Variants in SYNJ1 observed in about 807,000 individuals in gnomAD.
SYNJ1 encodes the protein synaptojanin 1.
A neutral mutation model predicts 168.2 loss-of-function variants in SYNJ1; 78 were observed. The ratio of observed to expected loss-of-function variants is 0.46; its 90% CI spans 0.39 to 0.56. SYNJ1 has a LOEUF of 0.56. Among genes scored for constraint, SYNJ1 ranks in the 20% least tolerant of loss-of-function variants. SYNJ1 has a pLI of 0.00. For synonymous variants in SYNJ1, 539 were observed against 548.6 expected (o/e 0.98, Z 0.24); for missense variants, 1,303 against 1,597.6 (o/e 0.82, Z 3.14).
At chr21:32,664,175 T>C (rs1315761397) in intron 18 of SYNJ1, among the ~76,000 whole-genome samples, 1 of 152,194 alleles carries the variant, frequency 6.6e-6, no homozygotes, top group Non-Finnish European at 1.5e-5. Flanking sequence ...CATCACTACC[T>C]TAGCTCACCA....
chr21:32,644,859 A>T, intron 26 of SYNJ1, 109 bp downstream of exon 26: 1 of 1,242,088 alleles, frequency 8.1e-7, no homozygotes, highest in Non-Finnish European at 1.1e-6. Flanking sequence ...TTAGTTTTAA[A>T]CTAGAATGTC....
chr21:32,722,761 A>C (rs772156975), intron 2 of SYNJ1, among the ~76,000 whole-genome samples: 16 of 152,198 alleles, frequency 1.1e-4, no homozygotes, highest in Non-Finnish European at 2.1e-4. Flanking sequence ...GGAGTGCGGC[A>C]TCCAGACACA....
intron 11 of SYNJ1, among the ~76,000 whole-genome samples, chr21:32,680,791 AT>A (rs1031294734): frequency 6.6e-6 from 1 of 151,892 alleles, no homozygotes; most frequent in Non-Finnish European, 1.5e-5. Context: ...AGTATTTTCT[AT>A]TTTCAGTAGA....
chr21:32,631,554 T>C lies in SYNJ1; in HGVS notation c.*251A>G, dbSNP rs2145658543. 1.2e-6 allele frequency: 2 copies of C among 1,614,140 alleles called. No homozygotes were observed. Among genetic ancestry groups the C allele is most frequent in the Middle Eastern group, 3.3e-4 (2 of 6,062 alleles). ...AAATGGGTTTGGAGAACTTCGCATATTTTCCTGGGATTGACTCCGAGCTGG... is the reference window on the plus strand; with the variant it reads ...AAATGGGTTTGGAGAACTTCGCATACTTTCCTGGGATTGACTCCGAGCTGG... On this transcript the variant is annotated 3_prime_UTR_variant, in exon 33 of 33. Transcript: ENST00000674351.
chr21:32,663,551 C>G (rs2040801081), intron 18 of SYNJ1, among the ~76,000 whole-genome samples: 2 of 152,192 alleles, frequency 1.3e-5, no homozygotes, highest in Non-Finnish European at 2.9e-5. Context: ...ATTAAACCAT[C>G]TTTCTTCCTA....
chr21:32,669,711 G>C (rs1474256176), intron 15 of SYNJ1, among the ~76,000 whole-genome samples: 2 of 152,158 alleles, frequency 1.3e-5, no homozygotes, highest in South Asian at 2.1e-4. Context: ...TACTACAGCA[G>C]AGAATAAATT....
chr21:32,645,234 C>T (rs556358913), intron 25 of SYNJ1, among the ~76,000 whole-genome samples: 106 of 152,198 alleles, frequency 7.0e-4, no homozygotes, highest in African/African-American at 2.4e-3. Context: ...TACATTAATA[C>T]GTATGCTCTC....
At chr21:32,667,742 T>C (rs1306808364) in intron 15 of SYNJ1, among the ~76,000 whole-genome samples, 1 of 152,150 alleles carries the variant, frequency 6.6e-6, no homozygotes, top group East Asian at 1.9e-4. Context: ...CTTATCTTGA[T>C]CATTCATTTG....
At position 32,645,791 on chromosome 21, in the gene SYNJ1, T is replaced by TA; in HGVS notation, c.3248-3dup. ...CTGGCTGCGCGTCAATAGGAGAACC[T>TA]AAAAAGCGCACAGGAGGTAAGAAGA... On this transcript the variant is annotated splice_region_variant and splice_polypyrimidine_tract_variant and intron_variant, in intron 24 of 32. Coordinates refer to ENST00000674351, the MANE Select transcript of SYNJ1 (RefSeq NM_203446.3). 1.3e-6 allele frequency: 2 copies of TA among 1,482,182 alleles called. No homozygotes were observed. Among genetic ancestry groups the TA allele is most frequent in the Non-Finnish European group, 1.8e-6 (2 of 1,113,726 alleles). The allele number at this position is 1,482,182 out of a possible 1,614,324, so 91.8% of individuals were successfully genotyped here. A position where few individuals can be genotyped will look rare whatever the true frequency, so the allele number is the denominator to read the frequency against.
At chr21:32,640,306 G>GT (rs1425475330) in intron 29 of SYNJ1, among the ~76,000 whole-genome samples, 9 of 150,314 alleles carry the variant, frequency 6.0e-5, no homozygotes, top group East Asian at 5.8e-4. Context: ...TTTTTTTTTG[G>GT]TTTTTTTTTG....
Position 32,694,219 on chromosome 21 carries a change from A to G in SYNJ1, c.789+9T>C, listed in dbSNP as rs1175595448. 2.6e-6 allele frequency: 4 copies of G among 1,534,180 alleles called. No individual in the cohort carries two copies. Among genetic ancestry groups the G allele is most frequent in the Non-Finnish European group, 3.5e-6 (4 of 1,149,708 alleles). ...AAAAAACAAAAATAACTGAATGTCA[A>G]ACACATACTTGCAACCCTGGTTGCT... On this transcript the variant is annotated intron_variant, in intron 6 of 32. Transcript: ENST00000674351.
intron 26 of SYNJ1, among the ~76,000 whole-genome samples, chr21:32,644,601 GA>G (rs2039985503): frequency 6.6e-6 from 1 of 152,102 alleles, no homozygotes; most frequent in African/African-American, 2.4e-5. Flanking sequence ...ATGAAGAAAG[GA>G]AAAGAAAATC....
At chr21:32,659,362 T>C (rs2040588312) in intron 18 of SYNJ1, among the ~76,000 whole-genome samples, 1 of 152,196 alleles carries the variant, frequency 6.6e-6, no homozygotes, top group Non-Finnish European at 1.5e-5. Context: ...CCTATTTTTA[T>C]TACTTTTAAG....
chr21:32,721,618 G>A (rs1035308859), intron 2 of SYNJ1, among the ~76,000 whole-genome samples: 1 of 151,930 alleles, frequency 6.6e-6, no homozygotes. Flanking sequence ...GGCGGAGGCT[G>A]TAGTGAGTCA....
intron 6 of SYNJ1, among the ~76,000 whole-genome samples, chr21:32,690,178 T>C (rs1237463491): frequency 2.6e-5 from 4 of 152,204 alleles, no homozygotes; most frequent in African/African-American, 7.2e-5. Context: ...ACAGCTCTCA[T>C]AGCAATATAC....
chr21:32,666,494 C>A lies in SYNJ1; in HGVS notation c.1891G>T (p.Glu631Ter). Residue 631 changes from glutamate (E) to a stop codon, truncating the protein, a stop_gained, in exon 16 of 33, where the codon GAA becomes TAA. Transcript: ENST00000674351. LOFTEE classifies it high-confidence loss of function. ...RDNKYVLLAS[E>*]QLVGVCLFVF... ...AACAAACAGACGCCCACCAACTGTT[C>A]AGAAGCCAGCAGCACATACTTGTTG... 1 of 1,614,110 alleles carries A rather than the reference C, an allele frequency of 6.2e-7. No individual in the cohort carries two copies. The highest frequency in any genetic ancestry group is 1.1e-5 in the South Asian group (1 of 91,070).
chr21:32,705,955 C>A (rs1382285040), intron 2 of SYNJ1, among the ~76,000 whole-genome samples: 4 of 152,116 alleles, frequency 2.6e-5, no homozygotes, highest in African/African-American at 9.7e-5. Context: ...CCACTGTACT[C>A]CAGCCTGGCC....
intron 2 of SYNJ1, among the ~76,000 whole-genome samples, chr21:32,714,207 A>G (rs529004490): frequency 6.6e-6 from 1 of 152,350 alleles, no homozygotes; most frequent in Admixed American, 6.5e-5. Context: ...AAGGCGGCCA[A>G]TGAGGTTAGA....
intron 11 of SYNJ1, among the ~76,000 whole-genome samples, chr21:32,680,714 C>G (rs2041590638): frequency 6.6e-6 from 1 of 151,882 alleles, no homozygotes. Context: ...CTCCTGGGTT[C>G]AAGTGATTCT....
Sources: allele counts gnomAD v4.1 joint callset (sites outside exome capture counted in the v4.1 genomes callset), GRCh38; gene constraint gnomAD v4.1.1; transcripts MANE v1.5; gene names NCBI Gene and HGNC (gene_info 2026-07-23, HGNC 2026-07-21).